Variants in MNT observed in about 807,000 individuals in gnomAD.
MNT encodes the protein max-binding protein MNT.
Under a neutral mutation model 40.7 loss-of-function variants are expected in MNT, and 13 were observed. The observed-to-expected ratio is 0.32, with a 90% CI of 0.21 to 0.51. The LOEUF (loss-of-function observed/expected upper bound fraction) is 0.51, where lower values mean the gene tolerates loss of function less well. Ranked by LOEUF, MNT falls within the 20% of genes least tolerant of loss-of-function variation. MNT has a pLI of 0.98. For missense variants in MNT, 757 were observed against 792.0 expected (o/e 0.96, Z 0.53); for synonymous variants, 426 against 354.8 (o/e 1.20, Z -2.26).
chr17:2,387,499 G>C lies in MNT; in HGVS notation c.1151C>G (p.Pro384Arg). 1 of 1,613,054 alleles carries C rather than the reference G, an allele frequency of 6.2e-7. No homozygotes were observed. The highest frequency in any genetic ancestry group is 1.3e-5 in the African/African-American group (1 of 74,970). Residue 384 changes from proline to arginine, a missense_variant, in exon 6 of 6, where the codon CCT (proline) becomes CGT (arginine). Transcript: ENST00000174618. ...AGGTAGGGCCACGGAGTGGGGGTGA[G>C]GGTGTGGGTGTGGAGGCAGAGGCGC... ...TPAPLPPHPH[P>R]HPHSVALPPA... is the part of the protein sequence containing the mutation.
chr17:2,386,978 C>T lies in MNT; in HGVS notation c.1672G>A (p.Val558Met). 1 of 1,523,758 alleles carries T rather than the reference C, an allele frequency of 6.6e-7. No individual in the cohort carries two copies. The highest frequency in any genetic ancestry group is 8.8e-7 in the Non-Finnish European group (1 of 1,133,000). The allele number at this position is 1,523,758 out of a possible 1,614,324, so 94.4% of individuals were successfully genotyped here. ...ACAGGGTTGAGCACGGTCTGGCCCA[C>T]CAGCTGGGGGTGGTGCACCACCTGA... ...GAQVVHHPQL[V>M]GQTVLNPVTM... The change falls in exon 6 of 6, where the codon GTG (valine) becomes ATG (methionine). Residue 558 changes from valine to methionine, a missense_variant. Physicochemically the swap from Val to Met is conservative, Grantham distance 21. This residue lies in a region of MNT where 345 missense variants were observed against 380.1 expected (regional missense o/e 0.91). Coordinates refer to ENST00000174618, the MANE Select transcript of MNT (RefSeq NM_020310.3).
Position 2,395,264 on chromosome 17 carries a change from G to A in MNT, c.264C>T (p.Val88=). ...PPLATPAPLT[V]IPIPVVTNSP... is the part of the protein sequence containing the mutation. ...AGTTGGTCACCACAGGGATAGGGAT[G>A]ACAGTCAGTGGGGCAGGGGTGGCAA... is the stretch of plus-strand genomic sequence containing the variant. The change falls in exon 2 of 6, where the codon GTC becomes GTT. Residue 88 remains valine, a synonymous_variant. Coordinates refer to ENST00000174618, the MANE Select transcript of MNT (RefSeq NM_020310.3). 1 of 1,486,464 alleles carries A rather than the reference G, an allele frequency of 6.7e-7. No homozygotes were observed. Among genetic ancestry groups the A allele is most frequent in the Non-Finnish European group, 9.1e-7 (1 of 1,096,664 alleles). The allele number at this position is 1,486,464 out of a possible 1,614,324, so 92.1% of individuals were successfully genotyped here.
chr17:2,388,198 AC>A, intron 4 of MNT, 149 bp from the exon 5 acceptor site: 1 of 707,664 alleles, frequency 1.4e-6, no homozygotes, highest in Non-Finnish European at 2.3e-6. Context: ...TGGAGACCGC[AC>A]CTGTTGTGGT....
In MNT at chr17:2,387,255, C is replaced by T. The variant is rs1255804936; in HGVS notation, c.1395G>A (p.Lys465=). 3 of 1,612,866 alleles carry T rather than the reference C, an allele frequency of 1.9e-6. No individual in the cohort carries two copies. The highest frequency in any genetic ancestry group is 1.7e-4 in the Middle Eastern group (1 of 6,060). Residue 465 remains lysine, a synonymous_variant, in exon 6 of 6, where the codon AAG becomes AAA. Transcript: ENST00000174618. ...CCGAGGGGGCGATGTGGGCGATGTG[C>T]TTGCCGCCTGGCCCCTGCAGAACGT... ...VNHVLQGPGG[K]HIAHIAPSAP... is the part of the protein sequence containing the mutation.
At position 2,400,746 on chromosome 17, in the gene MNT, G is replaced by T. The variant is rs922619137; in HGVS notation, c.-34C>A. 2.7e-6 allele frequency: 4 copies of T among 1,503,856 alleles called. 1 individual carries two copies. Among genetic ancestry groups the T allele is most frequent in the Middle Eastern group, 1.8e-4 (1 of 5,624 alleles). The allele number at this position is 1,503,856 out of a possible 1,614,324, so 93.2% of individuals were successfully genotyped here. A position where few individuals can be genotyped will look rare whatever the true frequency, so the allele number is the denominator to read the frequency against. Reference sequence around the variant, plus strand: ...GAGCTGCCGGGGGCGCGCCGGGGCCGAGGCTGCGGCCCGCGAGCCGGGCAC... The same window carrying T: ...GAGCTGCCGGGGGCGCGCCGGGGCCTAGGCTGCGGCCCGCGAGCCGGGCAC... On this transcript the variant is annotated 5_prime_UTR_variant, in exon 1 of 6. Transcript: ENST00000174618.
At chr17:2,393,144 C>T (rs552865757) in intron 4 of MNT, among the ~76,000 whole-genome samples, 27 of 150,684 alleles carry the variant, frequency 1.8e-4, no homozygotes, top group South Asian at 1.0e-3. Context: ...CGCCCACCCC[C>T]CCCCCAACGC....
Position 2,387,532 on chromosome 17 carries a change from G to A in MNT, c.1118C>T (p.Thr373Ile), listed in dbSNP as rs2066476540. ...GTGTGGAGGCAGAGGCGCAGGGGTG[G>A]TGCTGGGGGGTGGCAGGGTGGACTT... ...LLKSTLPPPS[T>I]TPAPLPPHPH... The change falls in exon 6 of 6, where the codon ACC (threonine) becomes ATC (isoleucine). Residue 373 changes from threonine to isoleucine, a missense_variant. Coordinates refer to ENST00000174618, the MANE Select transcript of MNT (RefSeq NM_020310.3). 1.9e-6 allele frequency: 3 copies of A among 1,613,110 alleles called. No individual in the cohort carries two copies. Among genetic ancestry groups the A allele is most frequent in the South Asian group, 1.1e-5 (1 of 91,036 alleles).
chr17:2,400,136 C>A (rs997356556), intron 1 of MNT, among the ~76,000 whole-genome samples: 1 of 152,218 alleles, frequency 6.6e-6, no homozygotes, highest in Non-Finnish European at 1.5e-5. Flanking sequence ...AGCTGCTCCG[C>A]GTAGAGTAGT....
intron 4 of MNT, among the ~76,000 whole-genome samples, chr17:2,392,248 A>G (rs1421271883): frequency 6.6e-6 from 1 of 152,190 alleles, no homozygotes; most frequent in Non-Finnish European, 1.5e-5. Context: ...CAATGAATAA[A>G]TGAATAAATG....
At chr17:2,393,837 C>CCGCGCCCTCCTCTGCGCACG (rs1199717828) in intron 4 of MNT, 1 of 268,648 alleles carries the variant, frequency 3.7e-6, no homozygotes, top group Non-Finnish European at 6.9e-6. Flanking sequence ...GGGAGGGGAG[C>CCGCGCCCTCCTCTGCGCACG]CGCGCCCTCC....
chr17:2,388,988 C>T (rs1292784872), intron 4 of MNT, among the ~76,000 whole-genome samples: 4 of 152,140 alleles, frequency 2.6e-5, no homozygotes, highest in African/African-American at 4.8e-5. Flanking sequence ...AGGTGCAGGG[C>T]CCGCAGGCTT....
intron 4 of MNT, chr17:2,389,534 G>T (rs781349054): frequency 2.0e-5 from 3 of 152,154 alleles, no homozygotes; most frequent in South Asian, 2.1e-4. Context: ...CTTGGCTTCC[G>T]AAAGTGCTGG....
At position 2,389,086 on chromosome 17, in the gene MNT, C is replaced by T. The variant is rs146352997; in HGVS notation, c.808-1037G>A. The stretch of plus-strand genomic sequence containing the variant: ...ACACACAGATCCTCCTCCCTTTACC[C>T]CCTAGATCTTATCTGCCCGTGCTCC... On this transcript the variant is annotated intron_variant, in intron 4 of 5. Coordinates refer to ENST00000174618, the MANE Select transcript of MNT (RefSeq NM_020310.3). Among the ~76,000 whole-genome samples the T allele has an allele frequency of 8.1e-3, 1,231 of 151,742 alleles. 17 individuals are homozygous for T. The highest frequency in any genetic ancestry group is 0.027 in the African/African-American group (1,134 of 41,316).
At chr17:2,395,641 C>T (rs1398688507) in intron 1 of MNT, among the ~76,000 whole-genome samples, 187 bp from the exon 2 acceptor site, 3 of 152,136 alleles carry the variant, frequency 2.0e-5, no homozygotes, top group Non-Finnish European at 2.9e-5. Context: ...GTGAACAAAT[C>T]AAGCAGACCT....
chr17:2,400,231 G>A (rs1417006682), intron 1 of MNT: 1 of 192,264 alleles, frequency 5.2e-6, no homozygotes, highest in Non-Finnish European at 1.1e-5. Context: ...CTCTTCCCGA[G>A]GCTCACATCA....
intron 1 of MNT, 107 bp downstream of exon 1, chr17:2,400,533 C>T: frequency 2.6e-6 from 3 of 1,157,436 alleles, no homozygotes; most frequent in Non-Finnish European, 3.5e-6. Flanking sequence ...CCAGGCTCCG[C>T]AGGCCGCCCG....
chr17:2,391,891 G>A (rs1597417854), intron 4 of MNT: 1 of 152,194 alleles, frequency 6.6e-6, no homozygotes, highest in South Asian at 2.1e-4. Context: ...TACTGCCTTG[G>A]CCTCCCGAGT....
chr17:2,399,331 T>C (rs2066598564), intron 1 of MNT, among the ~76,000 whole-genome samples: 1 of 152,130 alleles, frequency 6.6e-6, no homozygotes, highest in Admixed American at 6.5e-5. Context: ...TAGGAGTCAT[T>C]AGTCTCTTCC....
chr17:2,387,435 C>T lies in MNT; in HGVS notation c.1215G>A (p.Gln405=). The change falls in exon 6 of 6, where the codon CAG becomes CAA. Residue 405 remains glutamine, a synonymous_variant. Coordinates refer to ENST00000174618, the MANE Select transcript of MNT (RefSeq NM_020310.3). ...HLPVQQQQPQ[Q]KTPLPAPPPP... The stretch of plus-strand genomic sequence containing the variant: ...GAGGAGGGGCTGGCAGAGGGGTCTT[C>T]TGCTGTGGCTGCTGCTGCTGCACGG... 1 of 1,610,900 alleles carries T rather than the reference C, an allele frequency of 6.2e-7. No homozygotes were observed. The highest frequency in any genetic ancestry group is 8.5e-7 in the Non-Finnish European group (1 of 1,178,588).
Sources: gnomAD v4.1 joint callset for allele counts (sites outside exome capture counted in the v4.1 genomes callset) on GRCh38, gnomAD v4.1.1 for gene constraint, gnomAD v4.1.1 regional missense constraint, MANE v1.5 for transcripts, NCBI Gene and HGNC (gene_info 2026-07-23, HGNC 2026-07-21) for gene names.